Variants in IL19 observed in about 807,000 individuals in gnomAD.
IL19 encodes interleukin-19.
IL19 carries 15 observed loss-of-function variants against 19.5 expected under a neutral mutation model. The observed-to-expected ratio is 0.77, with a 90% CI of 0.52 to 1.19. IL19 has a LOEUF of 1.19. Ranked by LOEUF, IL19 falls within the 50% of genes most tolerant of loss-of-function variation. IL19 has a pLI of 0.00. For synonymous variants in IL19, 78 were observed against 78.3 expected, an observed-to-expected ratio of 1.00 and a Z score of 0.02; for missense variants, 199 against 213.1, an observed-to-expected ratio of 0.93 and a Z score of 0.41.
At chr1:206,834,288 A>G in intron 2 of IL19, 3 of 985,586 alleles carry the variant, frequency 3.0e-6, no homozygotes, top group Non-Finnish European at 3.6e-6. Flanking sequence ...CCACCCAGCA[A>G]ACCTTGACAG....
At chr1:206,812,952 C>A (rs1376808303) in intron 2 of IL19, among the ~76,000 whole-genome samples, 1 of 152,158 alleles carries the variant, frequency 6.6e-6, no homozygotes, top group Non-Finnish European at 1.5e-5. Flanking sequence ...CAAACGGATA[C>A]AATGACTTGA....
chr1:206,814,924 T>C (rs1360405593), intron 2 of IL19, among the ~76,000 whole-genome samples: 2 of 152,174 alleles, frequency 1.3e-5, no homozygotes, highest in African/African-American at 4.8e-5. Flanking sequence ...CAGTTCTGTG[T>C]CACTAATCAT....
At chr1:206,793,703 C>G (rs377280643) in intron 1 of IL19, among the ~76,000 whole-genome samples, 4 of 152,142 alleles carry the variant, frequency 2.6e-5, no homozygotes, top group Non-Finnish European at 4.4e-5. Context: ...GAAAAAAACA[C>G]GAGGCAGAAA....
chr1:206,776,696 G>A (rs889184432), intron 1 of IL19, among the ~76,000 whole-genome samples: 3 of 151,902 alleles, frequency 2.0e-5, no homozygotes, highest in Non-Finnish European at 4.4e-5. Flanking sequence ...GCTCACACCC[G>A]ACCAATCAGG....
At chr1:206,803,248 C>A (rs958488658) in intron 2 of IL19, among the ~76,000 whole-genome samples, 1 of 152,134 alleles carries the variant, frequency 6.6e-6, no homozygotes, top group Non-Finnish European at 1.5e-5. Context: ...GCTGAGAGAA[C>A]TTGGGGTGCC....
chr1:206,807,067 T>C (rs58609590), intron 2 of IL19, among the ~76,000 whole-genome samples: 42,983 of 151,998 alleles, frequency 0.28, 6,837 homozygotes, highest in East Asian at 0.67. Flanking sequence ...AAACATGTCC[T>C]TCTTCATATG....
chr1:206,806,099 G>A (rs947770209), intron 2 of IL19, among the ~76,000 whole-genome samples: 1 of 152,116 alleles, frequency 6.6e-6, no homozygotes, highest in South Asian at 2.1e-4. Flanking sequence ...GTTAATCCTC[G>A]TTGATTTTGA....
intron 1 of IL19, among the ~76,000 whole-genome samples, chr1:206,783,419 T>C (rs948308640): frequency 6.6e-6 from 1 of 152,222 alleles, no homozygotes; most frequent in Admixed American, 6.5e-5. Flanking sequence ...TTCAAGTAAT[T>C]AAGGAGAATC....
Position 206,814,563 on chromosome 1 carries a change from G to A in IL19, c.-3+15557G>A, listed in dbSNP as rs114619314. 9.7e-3 allele frequency among the ~76,000 whole-genome samples: 1,457 copies of A among 150,462 alleles called. 24 individuals carry two copies. Among genetic ancestry groups the A allele is most frequent in the African/African-American group, 0.034 (1,399 of 40,784 alleles). On this transcript the variant is annotated intron_variant, in intron 2 of 6. Coordinates refer to ENST00000659997, the MANE Select transcript of IL19 (RefSeq NM_153758.5). ...CAAAAAATTAACCAGGCATAGTGAC[G>A]GCCCCCTGTAATCCCAGCTACTCGA...
chr1:206,786,884 A>T (rs1191864301), intron 1 of IL19, among the ~76,000 whole-genome samples: 4 of 152,004 alleles, frequency 2.6e-5, no homozygotes, highest in East Asian at 1.9e-4. Flanking sequence ...TCCAGCCCCC[A>T]AGCCACCGGA....
At chr1:206,813,010 A>G (rs896283647) in intron 2 of IL19, among the ~76,000 whole-genome samples, 1 of 152,202 alleles carries the variant, frequency 6.6e-6, no homozygotes. Context: ...CGCCTGTTTT[A>G]TATGCTGAAT....
At position 206,777,604 on chromosome 1, in the gene IL19, C is replaced by A. The variant is rs549183548; in HGVS notation, c.-149+6526C>A. ...TTCAGGGATCCGGGCTTGCTGGACT[C>A]TGGGTTTAGACAGCTTGTTGGGCAA... On this transcript the variant is annotated intron_variant, in intron 1 of 6. Transcript: ENST00000659997. 4.6e-5 allele frequency among the ~76,000 whole-genome samples: 7 copies of A among 152,172 alleles called. No individual in the cohort carries two copies. The South Asian group carries it at 1.2e-3, about 27-fold the overall frequency.
chr1:206,830,495 C>T (rs910868168), intron 2 of IL19, among the ~76,000 whole-genome samples: 2 of 151,454 alleles, frequency 1.3e-5, no homozygotes, highest in Non-Finnish European at 2.9e-5. Flanking sequence ...ATATATTTAC[C>T]AAGACATTTA....
chr1:206,781,906 T>C (rs1434363103), intron 1 of IL19, among the ~76,000 whole-genome samples: 2 of 123,856 alleles, frequency 1.6e-5, no homozygotes, highest in South Asian at 4.7e-4. Flanking sequence ...TATATATACA[T>C]ATATATGTAT....
chr1:206,840,005 G>A lies in IL19; in HGVS notation c.363+3G>A, dbSNP rs778819342. 20 of 1,614,064 alleles carry A rather than the reference G, an allele frequency of 1.2e-5. No homozygotes were observed. In the South Asian group the frequency reaches 1.9e-4, roughly 15 times the overall value. ...TGCAGAAAACTCTGCGGCAATGTGT[G>A]AGTCACTGGGTCAGAATTCCAGCAT... On this transcript the variant is annotated splice_donor_region_variant and intron_variant, in intron 5 of 6. Coordinates refer to ENST00000659997, the MANE Select transcript of IL19 (RefSeq NM_153758.5).
chr1:206,833,604 A>G (rs1676683218), intron 2 of IL19: 33 of 918,160 alleles, frequency 3.6e-5, no homozygotes, highest in Non-Finnish European at 4.2e-5. Flanking sequence ...ACTTCTTGGT[A>G]AAGAGTTTAT....
chr1:206,842,743 G>C lies in IL19; in HGVS notation c.*121G>C. Reference sequence around the variant, plus strand: ...GCCCCTTGCAGCTGAAAGTCCCACTGGCTGGCCTCAGGCTGTCTTATTCCG... The same window carrying C: ...GCCCCTTGCAGCTGAAAGTCCCACTCGCTGGCCTCAGGCTGTCTTATTCCG... On this transcript the variant is annotated 3_prime_UTR_variant, in exon 7 of 7. Coordinates refer to ENST00000659997, the MANE Select transcript of IL19 (RefSeq NM_153758.5). 1 of 625,598 alleles carries C rather than the reference G, an allele frequency of 1.6e-6. No individual in the cohort carries two copies. The allele number at this position is 625,598 out of a possible 1,614,324, so 38.8% of individuals were successfully genotyped here.
intron 1 of IL19, among the ~76,000 whole-genome samples, chr1:206,773,584 ATT>A (rs1283130221): frequency 1.2e-5 from 1 of 85,416 alleles, no homozygotes; most frequent in Non-Finnish European, 2.6e-5. Context: ...GTTGTCTTGG[ATT>A]TGTGTGTGTG....
intron 2 of IL19, among the ~76,000 whole-genome samples, chr1:206,829,778 G>T (rs1676539939): frequency 6.6e-6 from 1 of 152,154 alleles, no homozygotes; most frequent in East Asian, 1.9e-4. Context: ...CACCACTGGG[G>T]CTCTTTCATA....
Sources: gnomAD v4.1 joint callset for allele counts (sites outside exome capture counted in the v4.1 genomes callset) on GRCh38, gnomAD v4.1.1 for gene constraint, MANE v1.5 for transcripts, NCBI Gene and HGNC (gene_info 2026-07-23, HGNC 2026-07-21) for gene names.